ZNF334: variants seen among roughly 807,000 people sequenced by gnomAD.
The protein encoded by ZNF334 is zinc finger protein 334.
Under a neutral mutation model 12.4 loss-of-function variants are expected in ZNF334, and 14 were observed. That is an observed-to-expected ratio of 1.13 (90% CI 0.74 to 1.76). ZNF334 has a LOEUF of 1.76. Among genes scored for constraint, ZNF334 ranks in the 40% most tolerant of loss-of-function variants. The pLI is 0.00. For synonymous variants in ZNF334, 273 were observed against 269.6 expected, an observed-to-expected ratio of 1.01 and a Z score of -0.12; for missense variants, 797 against 804.5, an observed-to-expected ratio of 0.99 and a Z score of 0.11.
chr20:46,474,237 G>A, the ZNF334 span, among the ~76,000 whole-genome samples: 1 of 152,102 alleles, frequency 6.6e-6, no homozygotes, highest in South Asian at 2.1e-4. Flanking sequence ...GCTGAGTGTG[G>A]TGGCATGTGC....
chr20:46,481,785 C>T, the ZNF334 span, among the ~76,000 whole-genome samples: 5 of 152,118 alleles, frequency 3.3e-5, no homozygotes, highest in Admixed American at 6.5e-5. Context: ...AATGATAATA[C>T]GTTGATGGGT....
chr20:46,471,748 T>C, the ZNF334 span, among the ~76,000 whole-genome samples: 3 of 152,216 alleles, frequency 2.0e-5, no homozygotes, highest in African/African-American at 4.8e-5. Flanking sequence ...ATAAGCTATA[T>C]AGGTTTATTT....
chr20:46,491,031 A>G, the ZNF334 span: 30,293 of 152,602 alleles, frequency 0.2, 3,257 homozygotes, highest in African/African-American at 0.27. Flanking sequence ...ACCCACGAAT[A>G]TGGTGAAAAT....
At chr20:46,476,320 A>G in the ZNF334 span, 1 of 152,356 alleles carries the variant, frequency 6.6e-6, no homozygotes, top group Admixed American at 6.5e-5. Flanking sequence ...AGGTGATGAC[A>G]GTGTTCTGTA....
At chr20:46,468,909 T>C in the ZNF334 span, among the ~76,000 whole-genome samples, 4 of 152,326 alleles carry the variant, frequency 2.6e-5, no homozygotes, top group East Asian at 1.9e-4. Context: ...ATTTGTATAA[T>C]TGAAATTCCT....
the ZNF334 span, among the ~76,000 whole-genome samples, chr20:46,471,931 A>G: frequency 6.6e-6 from 1 of 152,242 alleles, no homozygotes; most frequent in Non-Finnish European, 1.5e-5. Context: ...GGTACATTGT[A>G]ATGTTAACAT....
At chr20:46,464,184 T>C in the ZNF334 span, 10 of 525,696 alleles carry the variant, frequency 1.9e-5, no homozygotes, top group South Asian at 1.4e-4. Flanking sequence ...TCCCCCAAGA[T>C]GGGCAGCTCC....
At chr20:46,494,044 C>T in the ZNF334 span, among the ~76,000 whole-genome samples, 1 of 152,186 alleles carries the variant, frequency 6.6e-6, no homozygotes, top group Non-Finnish European at 1.5e-5. Context: ...CAATTCTAGG[C>T]TTTAGATTCA....
intron 2 of ZNF334, 27 bp from the exon 3 acceptor site, chr20:46,504,767 GA>G (rs768920357): frequency 1.3e-6 from 2 of 1,572,422 alleles, no homozygotes. Context: ...AATCTTGGGT[GA>G]CCAAAATTGA....
chr20:46,501,031 A>C lies in ZNF334; in HGVS notation c.*265T>G. The C allele has an allele frequency of 2.6e-6, 1 of 386,956 alleles. No homozygotes were observed. 24.0% of individuals were successfully genotyped at this position (386,956 alleles called of 1,614,324 possible). A position where few individuals can be genotyped will look rare whatever the true frequency, so the allele number is the denominator to read the frequency against. On this transcript the variant is annotated 3_prime_UTR_variant, in exon 5 of 5. Coordinates refer to ENST00000692313, the MANE Select transcript of ZNF334 (RefSeq NM_001353824.2). ...TAACTTAAACAATGTTTGTTTCATT[A>C]TTTTAAAAGGGAGGCACATTTGGCA...
At position 46,502,939 on chromosome 20, in the gene ZNF334, A is replaced by G; in HGVS notation, c.400T>C (p.Tyr134His). The G allele has an allele frequency of 6.2e-7, 1 of 1,614,006 alleles. No homozygotes were observed. Among genetic ancestry groups the G allele is most frequent in the Non-Finnish European group, 8.5e-7 (1 of 1,179,968 alleles). ...CTGTTTCCTCCTGGATTACATTTAT[A>G]GGGCATTTTTCTTGAGGGAACACTA... ...MNSVPSRKMP[Y>H]KCNPGGNSLK... is the part of the protein sequence containing the mutation. Residue 134 changes from tyrosine (Y) to histidine (H), a missense_variant, in exon 5 of 5, where the codon TAT becomes CAT. Physicochemically the swap from Tyr to His is moderately conservative, Grantham distance 83. Transcript: ENST00000692313.
Position 46,502,749 on chromosome 20 carries a change from A to G in ZNF334, c.590T>C (p.Ile197Thr), listed in dbSNP as rs769804991. ...CAAAATCTGAATGTTCTGGTGCAGA[A>G]TAAGATTTTCGTTTTGATTGCTGGC... ...RKASNQNENLILHQNIQILKQ... is the reference protein window; with the variant it reads ...RKASNQNENLTLHQNIQILKQ... Residue 197 changes from isoleucine to threonine, a missense_variant, in exon 5 of 5, where the codon ATT (isoleucine) becomes ACT (threonine). Ile to Thr is a moderately conservative substitution (Grantham distance 89). Coordinates refer to ENST00000692313, the MANE Select transcript of ZNF334 (RefSeq NM_001353824.2). 2.5e-6 allele frequency: 4 copies of G among 1,613,884 alleles called. No individual in the cohort carries two copies. The highest frequency in any genetic ancestry group is 1.3e-5 in the African/African-American group (1 of 75,064).
At position 46,502,181 on chromosome 20, in the gene ZNF334, G is replaced by A. The variant is rs774808107; in HGVS notation, c.1158C>T (p.Phe386=). The change falls in exon 5 of 5, where the codon TTC becomes TTT. Residue 386 remains phenylalanine (F), a synonymous_variant. Transcript: ENST00000692313. ...PNECKECGKT[F]FCQSALTAHQ... The stretch of plus-strand genomic sequence containing the variant: ...GCGCAGTAAGGGCTGACTGACAGAA[G>A]AAGGTTTTCCCACATTCCTTACATT... 2 of 1,614,090 alleles carry A rather than the reference G, an allele frequency of 1.2e-6. No homozygotes were observed. Among genetic ancestry groups the A allele is most frequent in the Non-Finnish European group, 1.7e-6 (2 of 1,180,004 alleles).
chr20:46,496,256 A>G (rs1269059394), downstream of ZNF334, among the ~76,000 whole-genome samples: 1 of 152,194 alleles, frequency 6.6e-6, no homozygotes, highest in Non-Finnish European at 1.5e-5. Flanking sequence ...TTCCTAAGGC[A>G]TGCTGTAACA....
chr20:46,502,753 G>A lies in ZNF334; in HGVS notation c.586C>T (p.Leu196Phe). The A allele has an allele frequency of 6.2e-7, 1 of 1,613,816 alleles. No individual in the cohort carries two copies. Among genetic ancestry groups the A allele is most frequent in the Non-Finnish European group, 8.5e-7 (1 of 1,179,986 alleles). The change falls in exon 5 of 5, where the codon CTT becomes TTT. Residue 196 changes from leucine to phenylalanine, a missense_variant. Coordinates refer to ENST00000692313, the MANE Select transcript of ZNF334 (RefSeq NM_001353824.2). The stretch of plus-strand genomic sequence containing the variant: ...ATCTGAATGTTCTGGTGCAGAATAA[G>A]ATTTTCGTTTTGATTGCTGGCTTTC... ...MRKASNQNEN[L>F]ILHQNIQILK...
downstream of ZNF334, among the ~76,000 whole-genome samples, chr20:46,497,268 T>C (rs1324152041): frequency 6.6e-6 from 1 of 152,122 alleles, no homozygotes; most frequent in Non-Finnish European, 1.5e-5. Context: ...AGGGACAGAG[T>C]ATCCAGGAGC....
At chr20:46,503,674 G>A (rs2061330190) in intron 4 of ZNF334, among the ~76,000 whole-genome samples, 1 of 152,200 alleles carries the variant, frequency 6.6e-6, no homozygotes, top group Admixed American at 6.5e-5. Flanking sequence ...GGGACTAGAG[G>A]AAGGCAAGCA....
chr20:46,497,791 T>C (rs566700041), downstream of ZNF334, among the ~76,000 whole-genome samples: 47 of 152,348 alleles, frequency 3.1e-4, no homozygotes, highest in African/African-American at 7.9e-4. Context: ...CCCCATTTCA[T>C]TGAAAAATAG....
the ZNF334 span, among the ~76,000 whole-genome samples, chr20:46,489,107 C>A: frequency 6.6e-6 from 1 of 151,882 alleles, no homozygotes; most frequent in Admixed American, 6.6e-5. Context: ...AAATATTTTT[C>A]TCGTCCCTGC....
Sources: gnomAD v4.1 joint callset for allele counts (sites outside exome capture counted in the v4.1 genomes callset) on GRCh38, gnomAD v4.1.1 for gene constraint, MANE v1.5 for transcripts, NCBI Gene and HGNC (gene_info 2026-07-23, HGNC 2026-07-21) for gene names.